NKAIN2: variants seen among roughly 807,000 people sequenced by gnomAD.
NKAIN2 encodes sodium/potassium transporting ATPase interacting 2.
Under a neutral mutation model 32.6 loss-of-function variants are expected in NKAIN2, and 14 were observed. The ratio of observed to expected loss-of-function variants is 0.43; its 90% CI spans 0.28 to 0.67. The LOEUF is 0.67. Ranked by LOEUF, NKAIN2 falls within the 30% of genes least tolerant of loss-of-function variation. NKAIN2 has a pLI of 0.17. For synonymous variants in NKAIN2, 80 were observed against 87.2 expected (o/e 0.92, Z 0.46); for missense variants, 198 against 258.3 (o/e 0.77, Z 1.60).
chr6:124,715,324 G>T (rs990801010), intron 4 of NKAIN2, among the ~76,000 whole-genome samples: 1 of 152,158 alleles, frequency 6.6e-6, no homozygotes, highest in Non-Finnish European at 1.5e-5. Flanking sequence ...GGAGAACGGG[G>T]TCACATGGGA....
chr6:124,719,687 G>C (rs572753261), intron 4 of NKAIN2, among the ~76,000 whole-genome samples: 1 of 149,628 alleles, frequency 6.7e-6, no homozygotes, highest in South Asian at 2.1e-4. Flanking sequence ...GCTGACCTAT[G>C]AGCCAGATAC....
intron 5 of NKAIN2, among the ~76,000 whole-genome samples, chr6:124,812,894 T>A (rs1780967422): frequency 6.6e-6 from 1 of 152,138 alleles, no homozygotes; most frequent in Non-Finnish European, 1.5e-5. Flanking sequence ...ATTGACATCT[T>A]TCCTTCCTCA....
chr6:124,329,047 G>A (rs1222160171), intron 2 of NKAIN2, among the ~76,000 whole-genome samples: 9 of 152,182 alleles, frequency 5.9e-5, no homozygotes, highest in Admixed American at 2.0e-4. Context: ...CACTGCTGCA[G>A]ATGGTTGTGA....
chr6:124,457,346 A>G (rs1776362411), intron 3 of NKAIN2, among the ~76,000 whole-genome samples: 1 of 151,968 alleles, frequency 6.6e-6, no homozygotes, highest in Non-Finnish European at 1.5e-5. Context: ...AATACATCGG[A>G]GAAATGCTGA....
At chr6:123,878,791 C>T (rs182337336) in intron 1 of NKAIN2, among the ~76,000 whole-genome samples, 10 of 152,126 alleles carry the variant, frequency 6.6e-5, no homozygotes, top group Middle Eastern at 3.4e-3. Flanking sequence ...CTGTAATGCC[C>T]ATCTCTCCAC....
chr6:124,220,314 C>T (rs1199996713), intron 1 of NKAIN2, among the ~76,000 whole-genome samples: 1 of 152,100 alleles, frequency 6.6e-6, no homozygotes, highest in Non-Finnish European at 1.5e-5. Flanking sequence ...TTCCTGAAGC[C>T]TCCCCAGCCA....
intron 3 of NKAIN2, among the ~76,000 whole-genome samples, chr6:124,490,703 A>T (rs1048422443): frequency 2.0e-5 from 3 of 151,776 alleles, no homozygotes; most frequent in African/African-American, 4.8e-5. Context: ...CTCATTTAGA[A>T]TATCTTCTAC....
intron 1 of NKAIN2, among the ~76,000 whole-genome samples, chr6:124,079,297 G>A (rs928040902): frequency 1.3e-5 from 2 of 152,218 alleles, no homozygotes; most frequent in South Asian, 4.1e-4. Flanking sequence ...CAGCCTGGGC[G>A]ACAGAACGAG....
chr6:124,713,698 G>T (rs933376546), intron 4 of NKAIN2, among the ~76,000 whole-genome samples: 8 of 152,258 alleles, frequency 5.3e-5, no homozygotes, highest in African/African-American at 1.9e-4. Flanking sequence ...TCACATGTTA[G>T]AAAAGCAGTC....
At chr6:124,148,841 G>C (rs949900393) in intron 1 of NKAIN2, among the ~76,000 whole-genome samples, 8 of 152,144 alleles carry the variant, frequency 5.3e-5, no homozygotes, top group Admixed American at 1.3e-4. Flanking sequence ...GGATGAGATT[G>C]CTATGGCAAC....
intron 5 of NKAIN2, among the ~76,000 whole-genome samples, chr6:124,797,102 G>C (rs1330624693): frequency 6.9e-6 from 1 of 144,132 alleles, no homozygotes; most frequent in Admixed American, 7.2e-5. Context: ...TGCTTTATTA[G>C]CACTGTTCGA....
chr6:124,438,427 G>A (rs1775552122), intron 3 of NKAIN2, among the ~76,000 whole-genome samples: 1 of 152,046 alleles, frequency 6.6e-6, no homozygotes, highest in Non-Finnish European at 1.5e-5. Context: ...TATTCCTTTT[G>A]TGTTTTGTTT....
intron 2 of NKAIN2, among the ~76,000 whole-genome samples, chr6:124,353,685 G>T (rs1464562596): frequency 1.3e-5 from 2 of 151,916 alleles, no homozygotes; most frequent in African/African-American, 2.4e-5. Context: ...AACCTGGGAG[G>T]AGGAGCTCTC....
intron 1 of NKAIN2, among the ~76,000 whole-genome samples, chr6:123,838,152 A>C (rs1475715743): frequency 1.3e-5 from 2 of 152,200 alleles, no homozygotes; most frequent in African/African-American, 4.8e-5. Flanking sequence ...TCAGGAATGC[A>C]ACAATGATTT....
At chr6:124,622,116 C>G (rs945938342) in intron 3 of NKAIN2, among the ~76,000 whole-genome samples, 3 of 152,188 alleles carry the variant, frequency 2.0e-5, no homozygotes, top group African/African-American at 7.2e-5. Flanking sequence ...GAGGCATGAT[C>G]CCTCTAGGAC....
rs139178453 is a variant in NKAIN2 at position 124,591,497 on chromosome 6, T to C, written c.274-66689T>C. ...CCTAGAGCCATTTCTACTCCCTCCC[T>C]CCCTTTGCTTCCAATGCCATTGATT... is the stretch of plus-strand genomic sequence containing the variant. On this transcript the variant is annotated intron_variant, in intron 3 of 6. Coordinates refer to ENST00000368417, the MANE Select transcript of NKAIN2 (RefSeq NM_001040214.3). Among the ~76,000 whole-genome samples, 439 of 152,244 alleles carry C rather than the reference T, an allele frequency of 2.9e-3. 4 individuals are homozygous for C. Among genetic ancestry groups the C allele is most frequent in the African/African-American group, 9.8e-3 (407 of 41,562 alleles).
At chr6:124,806,177 C>T (rs1156757561) in intron 5 of NKAIN2, among the ~76,000 whole-genome samples, 2 of 152,058 alleles carry the variant, frequency 1.3e-5, no homozygotes, top group Non-Finnish European at 2.9e-5. Context: ...AACTCCAAGA[C>T]ATATAATTGT....
intron 1 of NKAIN2, among the ~76,000 whole-genome samples, chr6:124,191,285 A>G (rs1562412578): frequency 6.6e-6 from 1 of 152,208 alleles, no homozygotes; most frequent in East Asian, 1.9e-4. Context: ...AAACATTTCT[A>G]TCAGTAATGT....
intron 5 of NKAIN2, among the ~76,000 whole-genome samples, chr6:124,816,995 G>A (rs777602151): frequency 6.6e-6 from 1 of 152,080 alleles, no homozygotes; most frequent in Non-Finnish European, 1.5e-5. Context: ...CATTTATTAC[G>A]CTCATAGGCT....
Sources: allele counts gnomAD v4.1 joint callset (sites outside exome capture counted in the v4.1 genomes callset), GRCh38; gene constraint gnomAD v4.1.1; transcripts MANE v1.5; gene names NCBI Gene and HGNC (gene_info 2026-07-23, HGNC 2026-07-21).